The following ZCCHC2 variants were observed in gnomAD, a reference collection of about 807,000 sequenced individuals.
The protein encoded by ZCCHC2 is zinc finger CCHC-type containing 2, also known as zinc finger CCHC domain-containing protein 2.
A neutral mutation model predicts 103.6 loss-of-function variants in ZCCHC2; 39 were observed. The observed-to-expected ratio is 0.38, with a 90% CI of 0.29 to 0.49. ZCCHC2 has a LOEUF of 0.49. Among genes scored for constraint, ZCCHC2 ranks in the 20% least tolerant of loss-of-function variants. The pLI is 0.96. For missense variants in ZCCHC2, 1,483 were observed against 1,491.0 expected, an observed-to-expected ratio of 0.99 and a Z score of 0.09; for synonymous variants, 687 against 608.9, an observed-to-expected ratio of 1.13 and a Z score of -1.89.
In ZCCHC2 at chr18:62,574,676, G is replaced by A. The variant is rs768420887; in HGVS notation, c.2595G>A (p.Thr865=). 17 of 1,613,696 alleles carry A rather than the reference G, an allele frequency of 1.1e-5. No homozygotes were observed. Among genetic ancestry groups the A allele is most frequent in the African/African-American group, 8.0e-5 (6 of 74,846 alleles). ...GSFPGSPVAT[T]DPITKSASQV... ...TCCCAGGCTCTCCTGTTGCTACCACGGACCCCATCACAAAATCTGCATCCC... is the reference window on the plus strand; with the variant it reads ...TCCCAGGCTCTCCTGTTGCTACCACAGACCCCATCACAAAATCTGCATCCC... The change falls in exon 13 of 14, where the codon ACG becomes ACA. Residue 865 remains threonine (T), a synonymous_variant. Transcript: ENST00000269499.
chr18:62,523,703 C>A lies in ZCCHC2; in HGVS notation c.279C>A (p.Arg93=), dbSNP rs1015976223. 5 of 1,438,702 alleles carry A rather than the reference C, an allele frequency of 3.5e-6. No homozygotes were observed. Among genetic ancestry groups the A allele is most frequent in the Non-Finnish European group, 3.6e-6 (4 of 1,101,042 alleles). 89.1% of individuals were successfully genotyped at this position (1,438,702 alleles called of 1,614,324 possible). A position where few individuals can be genotyped will look rare whatever the true frequency, so the allele number is the denominator to read the frequency against. The change falls in exon 1 of 14, where the codon CGC becomes CGA. Residue 93 remains arginine (R), a synonymous_variant. Coordinates refer to ENST00000269499, the MANE Select transcript of ZCCHC2 (RefSeq NM_017742.6). ...GCGGGGGGCCCTCGGCGGCGCTGCG[C>A]GAGCAGGAGCGGGTATACGAGTGGT... The part of the protein sequence containing the change: ...GGGGGPSAAL[R]EQERVYEWFG...
At chr18:62,545,651 T>C (rs1351729628) in intron 4 of ZCCHC2, among the ~76,000 whole-genome samples, 4 of 152,222 alleles carry the variant, frequency 2.6e-5, no homozygotes, top group Non-Finnish European at 5.9e-5. Flanking sequence ...GGTTGATAAA[T>C]TATTCTTTCT....
chr18:62,567,935 A>G (rs1315356893), intron 11 of ZCCHC2, among the ~76,000 whole-genome samples: 7 of 137,170 alleles, frequency 5.1e-5, no homozygotes, highest in Non-Finnish European at 1.1e-4. Context: ...ACAGAATGAG[A>G]CTCTGTCTCA....
intron 1 of ZCCHC2, among the ~76,000 whole-genome samples, chr18:62,531,058 A>AT (rs879473256): frequency 1.6e-3 from 231 of 146,430 alleles, no homozygotes; most frequent in Middle Eastern, 0.011. Context: ...TGTTAAGCTA[A>AT]TTTTTTTTTT....
chr18:62,540,456 T>G (rs1030115586), intron 2 of ZCCHC2, among the ~76,000 whole-genome samples: 2 of 151,098 alleles, frequency 1.3e-5, no homozygotes, highest in African/African-American at 4.9e-5. Context: ...TTTTTACCAG[T>G]AATAATCCTT....
At chr18:62,558,177 G>A (rs957229686) in intron 6 of ZCCHC2, among the ~76,000 whole-genome samples, 1 of 152,168 alleles carries the variant, frequency 6.6e-6, no homozygotes, top group Non-Finnish European at 1.5e-5. Flanking sequence ...TTTTAATGGG[G>A]AAGTAATCCA....
intron 5 of ZCCHC2, among the ~76,000 whole-genome samples, 159 bp from the exon 6 acceptor site, chr18:62,556,044 A>T (rs1157529071): frequency 6.6e-6 from 1 of 152,252 alleles, no homozygotes; most frequent in Non-Finnish European, 1.5e-5. Context: ...ACTTCTTCCC[A>T]TAGGAAATAC....
chr18:62,554,611 G>A (rs1227222662), intron 5 of ZCCHC2, among the ~76,000 whole-genome samples: 1 of 152,190 alleles, frequency 6.6e-6, no homozygotes, highest in Non-Finnish European at 1.5e-5. Flanking sequence ...TCCTGTAGTG[G>A]ATGTATACAT....
intron 2 of ZCCHC2, among the ~76,000 whole-genome samples, chr18:62,541,583 C>T (rs1915183492): frequency 6.6e-6 from 1 of 151,942 alleles, no homozygotes; most frequent in South Asian, 2.1e-4. Flanking sequence ...TGTTGAGTTA[C>T]TTTCCTAACC....
rs1416367171 is a variant in ZCCHC2, at chr18:62,542,624, C to A, written c.1128+50C>A. On this transcript the variant is annotated intron_variant, in intron 3 of 13. Transcript: ENST00000269499. The stretch of plus-strand genomic sequence containing the variant: ...TACCTCACGTGCTGTGCTCAATGAT[C>A]TTTGGGAAAACTTGTGGCAGGTTTG... The A allele has an allele frequency of 1.2e-5, 18 of 1,477,836 alleles. 3 individuals carry two copies. The South Asian group carries it at 2.2e-4, about 18-fold the overall frequency. 91.5% of individuals were successfully genotyped at this position (1,477,836 alleles called of 1,614,324 possible). A position where few individuals can be genotyped will look rare whatever the true frequency, so the allele number is the denominator to read the frequency against.
At chr18:62,533,369 T>C (rs1215870101) in intron 1 of ZCCHC2, among the ~76,000 whole-genome samples, 1 of 142,576 alleles carries the variant, frequency 7.0e-6, no homozygotes, top group Non-Finnish European at 1.5e-5. Context: ...CTACTAAAAA[T>C]ACAAAAATTA....
At chr18:62,557,994 A>G (rs1915964971) in intron 6 of ZCCHC2, among the ~76,000 whole-genome samples, 1 of 151,406 alleles carries the variant, frequency 6.6e-6, no homozygotes, top group Non-Finnish European at 1.5e-5. Context: ...TACTGTTGTC[A>G]GGGTTCATTT....
chr18:62,536,787 T>G (rs1466704705), intron 1 of ZCCHC2, among the ~76,000 whole-genome samples: 1 of 152,200 alleles, frequency 6.6e-6, no homozygotes, highest in Non-Finnish European at 1.5e-5. Context: ...TTGATGAACT[T>G]AGGACTTTGG....
In ZCCHC2 at chr18:62,555,932, A is replaced by G. The variant is rs944144603; in HGVS notation, c.1314-271A>G. 2.6e-5 allele frequency among the ~76,000 whole-genome samples: 4 copies of G among 152,204 alleles called. No individual in the cohort carries two copies. In the South Asian group the frequency reaches 6.2e-4, roughly 24 times the overall value. ...CCACTTGGGCAAAGGCTGAAATAAT[A>G]CATTTTTGGGCCAGTATTGAAAACT... On this transcript the variant is annotated intron_variant, in intron 5 of 13. Transcript: ENST00000269499.
At chr18:62,549,097 T>C (rs1407624682) in intron 4 of ZCCHC2, among the ~76,000 whole-genome samples, 1 of 151,796 alleles carries the variant, frequency 6.6e-6, no homozygotes, top group African/African-American at 2.4e-5. Flanking sequence ...CGGGTGCGTG[T>C]AGTCCCAGCT....
At position 62,523,301 on chromosome 18, in the gene ZCCHC2, G is replaced by A. The variant is rs1171352779; in HGVS notation, c.-124G>A. Reference sequence around the variant, plus strand: ...CGGCCGAGACCCGCCCCCGGCCCCGGCCCTCCCCCGGCGGCATGGAGGGGC... The same window carrying A: ...CGGCCGAGACCCGCCCCCGGCCCCGACCCTCCCCCGGCGGCATGGAGGGGC... On this transcript the variant is annotated 5_prime_UTR_variant, in exon 1 of 14. Coordinates refer to ENST00000269499, the MANE Select transcript of ZCCHC2 (RefSeq NM_017742.6). The A allele has an allele frequency of 4.4e-6, 4 of 910,182 alleles. No homozygotes were observed. The highest frequency in any genetic ancestry group is 1.2e-4 in the East Asian group (1 of 8,332). 56.4% of individuals were successfully genotyped at this position (910,182 alleles called of 1,614,324 possible).
chr18:62,574,987 C>T lies in ZCCHC2; in HGVS notation c.2906C>T (p.Ala969Val), dbSNP rs1568559677. Residue 969 changes from alanine (A) to valine (V), a missense_variant, in exon 13 of 14, where the codon GCC (alanine) becomes GTC (valine). This residue lies in a region of ZCCHC2 where 884 missense variants were observed against 907.5 expected (regional missense o/e 0.97). Coordinates refer to ENST00000269499, the MANE Select transcript of ZCCHC2 (RefSeq NM_017742.6). ...GTTCCTACCCACACCCCAGGCCCTG[C>T]CCCGAGCCCAAGCCCTGCCTTGACA... Reference protein sequence around the residue: ...PAVPTHTPGPAPSPSPALTHS... With the variant: ...PAVPTHTPGPVPSPSPALTHS... 1 of 1,613,978 alleles carries T rather than the reference C, an allele frequency of 6.2e-7. No individual in the cohort carries two copies. Among genetic ancestry groups the T allele is most frequent in the African/African-American group, 1.3e-5 (1 of 75,054 alleles).
Position 62,574,107 on chromosome 18 carries a change from A to G in ZCCHC2, c.2026A>G (p.Thr676Ala). ...TGGGAATCCATCAACAACTAGGTTTACAGGTTACGGTTCTGTCAACCAGAC... is the reference window on the plus strand; with the variant it reads ...TGGGAATCCATCAACAACTAGGTTTGCAGGTTACGGTTCTGTCAACCAGAC... ...DSGNPSTTRFTGYGSVNQTVT... is the reference protein window; with the variant it reads ...DSGNPSTTRFAGYGSVNQTVT... Residue 676 changes from threonine (T) to alanine (A), a missense_variant, in exon 13 of 14, where the codon ACA (threonine) becomes GCA (alanine). Thr to Ala is a moderately conservative substitution (Grantham distance 58). Transcript: ENST00000269499. The G allele has an allele frequency of 6.2e-7, 1 of 1,614,048 alleles. No individual in the cohort carries two copies. The highest frequency in any genetic ancestry group is 8.5e-7 in the Non-Finnish European group (1 of 1,179,894).
intron 1 of ZCCHC2, 70 bp from the exon 2 acceptor site, chr18:62,539,611 A>G: frequency 3.7e-6 from 5 of 1,355,762 alleles, no homozygotes; most frequent in Non-Finnish European, 5.1e-6. Context: ...TAAAATGAGA[A>G]GACCTAAATC....
Sources: allele counts gnomAD v4.1 joint callset (sites outside exome capture counted in the v4.1 genomes callset), GRCh38; gene constraint gnomAD v4.1.1; regional missense constraint gnomAD v4.1.1; transcripts MANE v1.5; gene names NCBI Gene and HGNC (gene_info 2026-07-23, HGNC 2026-07-21).